The following WDR70 variants were observed in gnomAD, a reference collection of about 807,000 sequenced individuals.
WDR70 encodes WD repeat domain 70, also known as WD repeat-containing protein 70.
In WDR70, 53 loss-of-function variants were observed where a neutral mutation model predicts 88.6. The observed-to-expected ratio is 0.60, with a 90% CI of 0.48 to 0.75. The LOEUF (loss-of-function observed/expected upper bound fraction) is 0.75. Among genes scored for constraint, WDR70 ranks in the 30% least tolerant of loss-of-function variants. The probability of loss-of-function intolerance (pLI) is 0.00; values close to 1 mark genes in which losing one functional copy is unlikely to be tolerated. For missense variants in WDR70, 610 were observed against 823.2 expected, an observed-to-expected ratio of 0.74 and a Z score of 3.17; for synonymous variants, 280 against 270.0, an observed-to-expected ratio of 1.04 and a Z score of -0.36.
intron 7 of WDR70, among the ~76,000 whole-genome samples, chr5:37,462,313 A>G (rs575084063): frequency 5.9e-5 from 9 of 152,024 alleles, no homozygotes; most frequent in African/African-American, 2.2e-4. Context: ...TTAATTAATT[A>G]ATTTTTTGAG....
intron 3 of WDR70, 84 bp downstream of exon 3, chr5:37,381,769 G>A (rs1748432483): frequency 2.8e-5 from 40 of 1,429,290 alleles, no homozygotes; most frequent in Non-Finnish European, 3.7e-5. Flanking sequence ...AGAAAAGAAT[G>A]TTGGCTGGGC....
At chr5:37,714,212 T>C (rs1747593318) in intron 13 of WDR70, among the ~76,000 whole-genome samples, 1 of 152,252 alleles carries the variant, frequency 6.6e-6, no homozygotes, top group African/African-American at 2.4e-5. Context: ...TTCCAAGATC[T>C]GATTACATAT....
In WDR70 at chr5:37,381,634, A is replaced by G. The variant is rs533004999; in HGVS notation, c.124A>G (p.Met42Val). ...AGCTCGCACATTTGACTTGGAAGCA[A>G]TGTTTGAACAAACTCGAAGGACAGC... ...KKARTFDLEA[M>V]FEQTRRTAVE... The change falls in exon 3 of 18, where the codon ATG becomes GTG. Residue 42 changes from methionine to valine, a missense_variant. By Grantham distance (21) the Met-to-Val change is conservative. Around this residue, in one of 4 missense-constraint regions of WDR70, gnomAD observed 203 missense variants for 228.1 expected, o/e 0.89. Coordinates refer to ENST00000265107, the MANE Select transcript of WDR70 (RefSeq NM_018034.4). 3 of 1,612,254 alleles carry G rather than the reference A, an allele frequency of 1.9e-6. No homozygotes were observed. The highest frequency in any genetic ancestry group is 2.7e-5 in the African/African-American group (2 of 75,024).
chr5:37,385,365 C>T (rs867682165), intron 3 of WDR70, among the ~76,000 whole-genome samples: 1 of 151,608 alleles, frequency 6.6e-6, no homozygotes, highest in African/African-American at 2.4e-5. Context: ...AAAAATCTTA[C>T]AAAAATTAGC....
chr5:37,596,439 A>G (rs1321422145), intron 9 of WDR70, among the ~76,000 whole-genome samples: 1 of 152,156 alleles, frequency 6.6e-6, no homozygotes, highest in Non-Finnish European at 1.5e-5. Flanking sequence ...TGTGGCAACT[A>G]TGTTTTGACC....
intron 7 of WDR70, among the ~76,000 whole-genome samples, chr5:37,464,107 A>G (rs1739090428): frequency 6.6e-6 from 1 of 152,214 alleles, no homozygotes; most frequent in South Asian, 2.1e-4. Context: ...TTAAACTTTT[A>G]TATTTTTTAG....
At chr5:37,648,655 C>T (rs1438745586) in intron 10 of WDR70, among the ~76,000 whole-genome samples, 2 of 151,806 alleles carry the variant, frequency 1.3e-5, no homozygotes, top group East Asian at 3.9e-4. Context: ...ATATCTTTGG[C>T]TTTAGATAAA....
At chr5:37,546,991 C>G (rs1459001929) in intron 9 of WDR70, among the ~76,000 whole-genome samples, 2 of 151,974 alleles carry the variant, frequency 1.3e-5, no homozygotes, top group African/African-American at 4.8e-5. Context: ...GGAGAGTATA[C>G]TTGTTTACAG....
At chr5:37,693,356 A>G (rs1344375968) in intron 10 of WDR70, among the ~76,000 whole-genome samples, 4 of 152,222 alleles carry the variant, frequency 2.6e-5, no homozygotes, top group Non-Finnish European at 5.9e-5. Context: ...ATTGGAAAAA[A>G]CTACTTTAAA....
chr5:37,710,580 T>G (rs1436332758), intron 13 of WDR70, among the ~76,000 whole-genome samples: 1 of 152,158 alleles, frequency 6.6e-6, no homozygotes, highest in Non-Finnish European at 1.5e-5. Flanking sequence ...ACAGGGACAC[T>G]AAGACACTTA....
chr5:37,720,558 T>G (rs1422562517), intron 13 of WDR70, among the ~76,000 whole-genome samples: 1 of 152,216 alleles, frequency 6.6e-6, no homozygotes, highest in African/African-American at 2.4e-5. Flanking sequence ...AGTCTTTGTA[T>G]TCTGTATCTC....
intron 9 of WDR70, among the ~76,000 whole-genome samples, chr5:37,585,915 G>T (rs970012341): frequency 6.6e-6 from 1 of 151,960 alleles, no homozygotes; most frequent in African/African-American, 2.4e-5. Context: ...GCCTATTTCT[G>T]TCATCATCTC....
chr5:37,548,994 G>A (rs1293165378), intron 9 of WDR70, among the ~76,000 whole-genome samples: 1 of 151,952 alleles, frequency 6.6e-6, no homozygotes, highest in African/African-American at 2.4e-5. Flanking sequence ...CTGTTTTATC[G>A]GTCTGTGTAT....
chr5:37,480,252 T>C (rs1230802652), intron 8 of WDR70, among the ~76,000 whole-genome samples: 2 of 152,190 alleles, frequency 1.3e-5, no homozygotes, highest in Non-Finnish European at 1.5e-5. Flanking sequence ...TGTCTTTGCC[T>C]CTTCCTTACT....
intron 7 of WDR70, 98 bp from the exon 8 acceptor site, chr5:37,479,736 C>T (rs942350891): frequency 1.5e-6 from 2 of 1,349,704 alleles, no homozygotes; most frequent in African/African-American, 1.5e-5. Flanking sequence ...TCAATTTGTC[C>T]ATTTGTGTAA....
At chr5:37,475,075 C>T (rs1206017374) in intron 7 of WDR70, among the ~76,000 whole-genome samples, 1 of 151,208 alleles carries the variant, frequency 6.6e-6, no homozygotes, top group African/African-American at 2.4e-5. Context: ...TGCGCTACCA[C>T]GCCTGGCTAA....
intron 17 of WDR70, among the ~76,000 whole-genome samples, chr5:37,749,498 GGCACATGTATACTGATGTAATGAACCT>G (rs1748736742): frequency 6.6e-6 from 1 of 151,902 alleles, no homozygotes; most frequent in South Asian, 2.1e-4. Context: ...CAAACCACAT[GGCACATGTATACTGATGTAATGAACCT>G]GCACATTCTG....
At chr5:37,564,157 T>A (rs888692399) in intron 9 of WDR70, among the ~76,000 whole-genome samples, 1 of 150,988 alleles carries the variant, frequency 6.6e-6, no homozygotes, top group Non-Finnish European at 1.5e-5. Flanking sequence ...CTCGGCACTT[T>A]GCGGGGCCAA....
At chr5:37,399,296 T>C (rs1172381329) in intron 5 of WDR70, among the ~76,000 whole-genome samples, 1 of 151,764 alleles carries the variant, frequency 6.6e-6, no homozygotes, top group African/African-American at 2.4e-5. Context: ...ACAAAAAAAA[T>C]TAGCCAGGCA....
Sources: gnomAD v4.1 joint callset for allele counts (sites outside exome capture counted in the v4.1 genomes callset) on GRCh38, gnomAD v4.1.1 for gene constraint, gnomAD v4.1.1 regional missense constraint, MANE v1.5 for transcripts, NCBI Gene and HGNC (gene_info 2026-07-23, HGNC 2026-07-21) for gene names.